The following CNIH3 variants were observed in gnomAD, a reference collection of about 807,000 sequenced individuals.
CNIH3 encodes cornichon family AMPA receptor auxiliary protein 3.
Under a neutral mutation model 24.1 loss-of-function variants are expected in CNIH3, and 14 were observed. The observed-to-expected ratio is 0.58, with a 90% CI of 0.38 to 0.91. The LOEUF (loss-of-function observed/expected upper bound fraction) is 0.91, where lower values mean the gene tolerates loss of function less well. Ranked by LOEUF, CNIH3 falls within the 40% of genes least tolerant of loss-of-function variation. The pLI is 0.00. For synonymous variants in CNIH3, 68 were observed against 73.8 expected (o/e 0.92, Z 0.40); for missense variants, 178 against 196.8 (o/e 0.90, Z 0.57).
chr1:224,609,242 C>T (rs1158259272), intron 3 of CNIH3, among the ~76,000 whole-genome samples: 1 of 152,150 alleles, frequency 6.6e-6, no homozygotes, highest in Non-Finnish European at 1.5e-5. Flanking sequence ...CAACTCAAAG[C>T]ACAAAAATGC....
At chr1:224,522,055 C>G (rs1678656674) in intron 2 of CNIH3, among the ~76,000 whole-genome samples, 2 of 152,144 alleles carry the variant, frequency 1.3e-5, no homozygotes, top group African/African-American at 2.4e-5. Context: ...AAATTGTTGC[C>G]TGTTCTCCCT....
intron 2 of CNIH3, among the ~76,000 whole-genome samples, chr1:224,526,090 A>G (rs1678833950): frequency 6.6e-6 from 1 of 152,222 alleles, no homozygotes; most frequent in Non-Finnish European, 1.5e-5. Context: ...GAATGGGAGC[A>G]CAGCAGATTC....
intron 1 of CNIH3, among the ~76,000 whole-genome samples, chr1:224,443,099 A>G (rs181163904): frequency 3.2e-4 from 48 of 152,334 alleles, no homozygotes; most frequent in African/African-American, 1.0e-3. Flanking sequence ...ATCCTTGTTG[A>G]AACAGACATT....
chr1:224,515,453 T>G (rs994481434), upstream of CNIH3, among the ~76,000 whole-genome samples: 21 of 152,234 alleles, frequency 1.4e-4, no homozygotes, highest in African/African-American at 4.6e-4. Context: ...TAGGGTTAGA[T>G]TCCTCATTAG....
intron 3 of CNIH3, among the ~76,000 whole-genome samples, chr1:224,726,318 G>C (rs1165201227): frequency 6.6e-6 from 1 of 152,220 alleles, no homozygotes; most frequent in Non-Finnish European, 1.5e-5. Flanking sequence ...GAGATGGTAT[G>C]GTTAGTAGAA....
intron 3 of CNIH3, among the ~76,000 whole-genome samples, chr1:224,712,105 T>A (rs6679541): frequency 0.013 from 1,947 of 152,274 alleles, 43 homozygotes; most frequent in African/African-American, 0.044. Context: ...ATATCTTCCC[T>A]GGATGATAAA....
Position 224,739,728 on chromosome 1 carries a change from G to T in CNIH3, c.*372G>T. ...CAAGTTCAAATGAGTTCCTGGGAGC[G>T]GAGGCTGGAAGGCCACAAGGTGCTT... On this transcript the variant is annotated 3_prime_UTR_variant, in exon 6 of 6. Coordinates refer to ENST00000272133, the MANE Select transcript of CNIH3 (RefSeq NM_152495.2). The T allele has an allele frequency of 3.8e-6, 1 of 262,228 alleles. No homozygotes were observed. Among genetic ancestry groups the T allele is most frequent in the Non-Finnish European group, 7.0e-6 (1 of 142,542 alleles). 16.2% of individuals were successfully genotyped at this position (262,228 alleles called of 1,614,324 possible). A position where few individuals can be genotyped will look rare whatever the true frequency, so the allele number is the denominator to read the frequency against.
intron 3 of CNIH3, among the ~76,000 whole-genome samples, chr1:224,710,804 T>C (rs926635753): frequency 6.6e-6 from 1 of 152,242 alleles, no homozygotes; most frequent in African/African-American, 2.4e-5. Flanking sequence ...TCTTTACATT[T>C]CAGCTCAAGT....
intron 1 of CNIH3, among the ~76,000 whole-genome samples, chr1:224,463,242 T>G (rs1266615862): frequency 6.6e-6 from 1 of 152,210 alleles, no homozygotes. Context: ...AAAGTGCTTG[T>G]ACTGTTTTCC....
intron 1 of CNIH3, among the ~76,000 whole-genome samples, chr1:224,635,905 G>T (rs1002699053): frequency 2.0e-5 from 3 of 151,956 alleles, no homozygotes; most frequent in Non-Finnish European, 4.4e-5. Context: ...GAAATGGGGG[G>T]GTCTCACTCC....
intron 1 of CNIH3, among the ~76,000 whole-genome samples, chr1:224,505,064 T>TCC (rs1429218838): frequency 1.5e-5 from 2 of 135,404 alleles, no homozygotes; most frequent in Non-Finnish European, 3.1e-5. Context: ...CTTCCTTCCT[T>TCC]TCTTGTGAGA....
intron 4 of CNIH3, among the ~76,000 whole-genome samples, chr1:224,578,086 G>C (rs770656898): frequency 2.0e-5 from 3 of 151,784 alleles, no homozygotes; most frequent in Non-Finnish European, 4.4e-5. Flanking sequence ...TCGGATGAAG[G>C]GTGGACCAAA....
At chr1:224,535,551 G>A (rs1679249709) in intron 2 of CNIH3, among the ~76,000 whole-genome samples, 1 of 152,180 alleles carries the variant, frequency 6.6e-6, no homozygotes, top group South Asian at 2.1e-4. Context: ...AATTGACTTA[G>A]CAAATTAATT....
chr1:224,615,304 T>C (rs935425653), upstream of CNIH3: 1 of 152,110 alleles, frequency 6.6e-6, no homozygotes, highest in Non-Finnish European at 1.5e-5. Context: ...TATTTTTCCT[T>C]GCTTTCTGGA....
At chr1:224,494,269 C>T (rs539298193) in intron 1 of CNIH3, among the ~76,000 whole-genome samples, 1 of 152,276 alleles carries the variant, frequency 6.6e-6, no homozygotes, top group Admixed American at 6.5e-5. Flanking sequence ...ATCACAGAGC[C>T]TCTCAACGTG....
At position 224,727,192 on chromosome 1, in the gene CNIH3, G is replaced by T. The variant is rs545624756; in HGVS notation, c.199-3270G>T. Reference sequence around the variant, plus strand: ...TGGTTGGGGGAGGATAAACAGTGAAGAGCACAACTTTGCTTTTCCCATTGA... The same window carrying T: ...TGGTTGGGGGAGGATAAACAGTGAATAGCACAACTTTGCTTTTCCCATTGA... On this transcript the variant is annotated intron_variant, in intron 3 of 5. Coordinates refer to ENST00000272133, the MANE Select transcript of CNIH3 (RefSeq NM_152495.2). Among the ~76,000 whole-genome samples the T allele has an allele frequency of 3.9e-5, 6 of 152,322 alleles. No homozygotes were observed. In the South Asian group the frequency reaches 1.2e-3, roughly 32 times the overall value.
intron 1 of CNIH3, among the ~76,000 whole-genome samples, chr1:224,660,235 GAGTC>G (rs1484488744): frequency 6.6e-6 from 1 of 152,130 alleles, no homozygotes; most frequent in Non-Finnish European, 1.5e-5. Flanking sequence ...GGAAGACAAG[GAGTC>G]AGTCACATCT....
chr1:224,471,759 T>C (rs1269114282), intron 1 of CNIH3, among the ~76,000 whole-genome samples: 1 of 151,986 alleles, frequency 6.6e-6, no homozygotes, highest in African/African-American at 2.4e-5. Flanking sequence ...CTGGCTAATT[T>C]TTTTGTATTT....
chr1:224,518,780 G>T (rs1002287275), intron 1 of CNIH3, among the ~76,000 whole-genome samples: 6 of 152,178 alleles, frequency 3.9e-5, no homozygotes, highest in Admixed American at 3.3e-4. Flanking sequence ...GCAACAACCC[G>T]TACAGCTCCA....
Sources: gnomAD v4.1 joint callset for allele counts (sites outside exome capture counted in the v4.1 genomes callset) on GRCh38, gnomAD v4.1.1 for gene constraint, MANE v1.5 for transcripts, NCBI Gene and HGNC (gene_info 2026-07-23, HGNC 2026-07-21) for gene names.